The following FSTL4 variants were observed in gnomAD, a reference collection of about 807,000 sequenced individuals.
FSTL4 encodes follistatin-related protein 4.
A neutral mutation model predicts 78.2 loss-of-function variants in FSTL4; 28 were observed. The observed-to-expected ratio is 0.36, with a 90% confidence interval of 0.27 to 0.49. The LOEUF (loss-of-function observed/expected upper bound fraction) is 0.49. Among genes scored for constraint, FSTL4 ranks in the 20% least tolerant of loss-of-function variants. The pLI is 0.98. For synonymous variants in FSTL4, 422 were observed against 440.5 expected (o/e 0.96, Z 0.53); for missense variants, 922 against 1,084.9 (o/e 0.85, Z 2.11).
At chr5:133,644,515 A>G in the FSTL4 span, among the ~76,000 whole-genome samples, 1 of 151,960 alleles carries the variant, frequency 6.6e-6, no homozygotes, top group East Asian at 1.9e-4. Flanking sequence ...TGACAACAGT[A>G]GTGTAATTGT....
the FSTL4 span, among the ~76,000 whole-genome samples, chr5:133,657,230 A>G: frequency 8.5e-5 from 13 of 152,162 alleles, no homozygotes; most frequent in Non-Finnish European, 1.5e-4. Flanking sequence ...CTAGACACAC[A>G]GGGCAGTCTG....
chr5:133,322,766 C>T (rs1754103296), intron 4 of FSTL4, among the ~76,000 whole-genome samples: 1 of 152,206 alleles, frequency 6.6e-6, no homozygotes, highest in Admixed American at 6.5e-5. Flanking sequence ...ACGCCTGAGA[C>T]CGGAAAATGT....
At position 133,249,503 on chromosome 5, in the gene FSTL4, C is replaced by T. The variant is rs749002303; in HGVS notation, c.801G>A (p.Val267=). Residue 267 remains valine (V), a synonymous_variant, in exon 7 of 16, where the codon GTG becomes GTA. Transcript: ENST00000265342. The part of the protein sequence containing the change: ...VTTVTVGLST[V]LTCAVHGDLR... ...GGTCTCCATGGACGGCGCAGGTCAG[C>T]ACTGTGCTCAGCCCCACGGTCACTG... 2 of 1,613,448 alleles carry T rather than the reference C, an allele frequency of 1.2e-6. No homozygotes were observed. The highest frequency in any genetic ancestry group is 1.7e-5 in the Admixed American group (1 of 60,006).
the FSTL4 span, among the ~76,000 whole-genome samples, chr5:133,697,014 G>C: frequency 6.6e-6 from 1 of 152,218 alleles, no homozygotes; most frequent in Non-Finnish European, 1.5e-5. Context: ...CTCAGCCGCA[G>C]TGCCCGAAAC....
chr5:133,336,338 G>A (rs904687509), intron 4 of FSTL4, among the ~76,000 whole-genome samples: 2 of 152,248 alleles, frequency 1.3e-5, no homozygotes, highest in Non-Finnish European at 2.9e-5. Context: ...GAGGTGTGAA[G>A]TGGGTGGAGA....
At chr5:133,237,853 C>CTT (rs11355354) in intron 7 of FSTL4, among the ~76,000 whole-genome samples, 30 of 142,298 alleles carry the variant, frequency 2.1e-4, no homozygotes, top group Non-Finnish European at 4.1e-4. Context: ...TTATGGATGG[C>CTT]TTTTTTTTTT....
the FSTL4 span, among the ~76,000 whole-genome samples, chr5:133,755,924 C>T: frequency 6.6e-6 from 1 of 152,222 alleles, no homozygotes; most frequent in East Asian, 1.9e-4. Flanking sequence ...ATCCATTTCA[C>T]AAATATTACT....
At chr5:133,398,992 C>A (rs6596126) in intron 4 of FSTL4, among the ~76,000 whole-genome samples, 26,805 of 152,194 alleles carry the variant, frequency 0.18, 3,790 homozygotes, top group African/African-American at 0.4. Context: ...CTGCCTGCCC[C>A]CCGCTCCACG....
chr5:133,701,604 G>A, the FSTL4 span, among the ~76,000 whole-genome samples: 1 of 151,738 alleles, frequency 6.6e-6, no homozygotes, highest in Non-Finnish European at 1.5e-5. Flanking sequence ...ACAATAATCT[G>A]TTACTGTTCA....
intron 3 of FSTL4, among the ~76,000 whole-genome samples, chr5:133,528,599 T>C (rs1391930999): frequency 6.6e-6 from 1 of 152,124 alleles, no homozygotes; most frequent in East Asian, 1.9e-4. Flanking sequence ...GGGCAGAGCC[T>C]GGCACGCTCC....
At chr5:133,335,683 G>C (rs944144111) in intron 4 of FSTL4, among the ~76,000 whole-genome samples, 11 of 151,382 alleles carry the variant, frequency 7.3e-5, no homozygotes, top group African/African-American at 2.4e-4. Flanking sequence ...CCCTTTCTTG[G>C]GGGGGGTGGC....
At position 133,266,813 on chromosome 5, in the gene FSTL4, C is replaced by T. The variant is rs147676352; in HGVS notation, c.728-17237G>A. ...ACAAAGCAGCCTCTGCTGCCCTGCTCAGAGAGAAGCCTGGGCAGTGGAGGT... is the reference window on the plus strand; with the variant it reads ...ACAAAGCAGCCTCTGCTGCCCTGCTTAGAGAGAAGCCTGGGCAGTGGAGGT... On this transcript the variant is annotated intron_variant, in intron 6 of 15. Coordinates refer to ENST00000265342, the MANE Select transcript of FSTL4 (RefSeq NM_015082.2). 5.5e-3 allele frequency among the ~76,000 whole-genome samples: 831 copies of T among 152,324 alleles called. 3 individuals carry two copies. Among genetic ancestry groups the T allele is most frequent in the Middle Eastern group, 0.044 (13 of 294 alleles).
chr5:133,671,002 G>A, the FSTL4 span, among the ~76,000 whole-genome samples: 454 of 152,296 alleles, frequency 3.0e-3, 2 homozygotes, highest in African/African-American at 0.01. Context: ...ATAGAATGAG[G>A]AAGAGGTGAT....
At chr5:133,398,969 G>C (rs1285476478) in intron 4 of FSTL4, among the ~76,000 whole-genome samples, 7 of 152,210 alleles carry the variant, frequency 4.6e-5, no homozygotes, top group African/African-American at 1.7e-4. Context: ...ACTGAGCCCT[G>C]ATCTGCTCAA....
At chr5:133,719,263 T>G in the FSTL4 span, among the ~76,000 whole-genome samples, 1 of 152,294 alleles carries the variant, frequency 6.6e-6, no homozygotes, top group Non-Finnish European at 1.5e-5. Flanking sequence ...AAGGATCCCT[T>G]AAAATTATTT....
At chr5:133,331,585 C>A (rs945230490) in intron 4 of FSTL4, among the ~76,000 whole-genome samples, 10 of 152,108 alleles carry the variant, frequency 6.6e-5, no homozygotes, top group African/African-American at 2.4e-4. Flanking sequence ...TATAAGCCGG[C>A]GATACGTGCT....
chr5:133,468,575 C>T (rs564334410), intron 3 of FSTL4, among the ~76,000 whole-genome samples: 3 of 152,336 alleles, frequency 2.0e-5, no homozygotes, highest in African/African-American at 7.2e-5. Flanking sequence ...CACGGAGCCA[C>T]TGCCTTTTCT....
the FSTL4 span, among the ~76,000 whole-genome samples, chr5:133,841,473 C>T: frequency 6.6e-6 from 1 of 152,174 alleles, no homozygotes; most frequent in African/African-American, 2.4e-5. Flanking sequence ...AATACAGGAG[C>T]CCGAGTTCTT....
intron 4 of FSTL4, among the ~76,000 whole-genome samples, chr5:133,347,627 G>A (rs1380292323): frequency 6.6e-6 from 1 of 152,198 alleles, no homozygotes; most frequent in East Asian, 1.9e-4. Flanking sequence ...CCAAAGTGCT[G>A]CGATTATAGG....
Sources: allele counts gnomAD v4.1 joint callset (sites outside exome capture counted in the v4.1 genomes callset), GRCh38; gene constraint gnomAD v4.1.1; transcripts MANE v1.5; gene names NCBI Gene and HGNC (gene_info 2026-07-23, HGNC 2026-07-21).